Variants in ZNF672 observed in about 807,000 individuals in gnomAD.
The protein encoded by ZNF672 is zinc finger protein 672, also known as hypothetical protein FLJ22301.
For missense variants in ZNF672, 733 were observed against 701.1 expected (o/e 1.05, Z -0.51); for synonymous variants, 358 against 305.6 (o/e 1.17, Z -1.79).
At position 248,848,432 on chromosome 1, in the gene ZNF672, C is replaced by T. The variant is rs371794195; in HGVS notation, c.1158C>T (p.Arg386=). Residue 386 remains arginine (R), a synonymous_variant, in exon 4 of 4, where the codon CGC becomes CGT. Transcript: ENST00000306562. ...FSVASKLALH[R]KTHLGERPAE... ...TCGCCTCCAAGCTTGCACTGCACCGCAAGACGCACCTGGGCGAACGGCCAG... is the reference window on the plus strand; with the variant it reads ...TCGCCTCCAAGCTTGCACTGCACCGTAAGACGCACCTGGGCGAACGGCCAG... The T allele has an allele frequency of 1.2e-6, 2 of 1,607,244 alleles. No homozygotes were observed. Among genetic ancestry groups the T allele is most frequent in the Non-Finnish European group, 1.7e-6 (2 of 1,179,458 alleles).
rs765820215 is a variant in ZNF672 at position 248,847,934 on chromosome 1, G to A, written c.660G>A (p.Thr220=). 2 of 1,574,298 alleles carry A rather than the reference G, an allele frequency of 1.3e-6. No individual in the cohort carries two copies. The highest frequency in any genetic ancestry group is 2.3e-5 in the East Asian group (1 of 42,778). ...KSSTLTRHLQ[T]HSGEKPFKCP... is the part of the protein sequence containing the mutation. ...CTACGCTGACGCGACACCTGCAGAC[G>A]CACTCGGGGGAGAAACCCTTCAAGT... Residue 220 remains threonine (T), a synonymous_variant, in exon 4 of 4, where the codon ACG becomes ACA. Transcript: ENST00000306562.
At position 248,847,538 on chromosome 1, in the gene ZNF672, C is replaced by T. The variant is rs1659182183; in HGVS notation, c.264C>T (p.His88=). 1.3e-6 allele frequency: 2 copies of T among 1,593,496 alleles called. No homozygotes were observed. Among genetic ancestry groups the T allele is most frequent in the Admixed American group, 1.7e-5 (1 of 58,186 alleles). Residue 88 remains histidine (H), a synonymous_variant, in exon 4 of 4, where the codon CAC becomes CAT. Transcript: ENST00000306562. ...SFRHSGRLDL[H]LGAHRQRCRT... The stretch of plus-strand genomic sequence containing the variant: ...GCCACAGCGGCCGTCTTGACCTACA[C>T]TTGGGCGCACACCGGCAGCGATGCC...
chr1:248,839,422 C>T (rs1396037851), intron 1 of ZNF672: 4 of 152,084 alleles, frequency 2.6e-5, no homozygotes, highest in South Asian at 2.1e-4. Context: ...CTCTTGAGCT[C>T]GGGAGTTCAA....
At position 248,849,245 on chromosome 1, in the gene ZNF672, A is replaced by G. The variant is rs1659289895; in HGVS notation, c.*612A>G. 2.5e-6 allele frequency: 1 copy of G among 395,460 alleles called. No homozygotes were observed. Among genetic ancestry groups the G allele is most frequent in the Non-Finnish European group, 5.2e-6 (1 of 194,044 alleles). 24.5% of individuals were successfully genotyped at this position (395,460 alleles called of 1,614,324 possible). ...CCTGGCAGAGGTGGCCAGTCACGTG[A>G]AGGTGGGCAGGGCCCTTAGCATGGC... On this transcript the variant is annotated 3_prime_UTR_variant, in exon 4 of 4. Coordinates refer to ENST00000306562, the MANE Select transcript of ZNF672 (RefSeq NM_024836.3).
At chr1:248,845,181 G>A (rs913731331) in intron 2 of ZNF672, among the ~76,000 whole-genome samples, 1 of 152,178 alleles carries the variant, frequency 6.6e-6, no homozygotes, top group African/African-American at 2.4e-5. Context: ...GAGAATCCTC[G>A]AATCCGAGAG....
rs1480060183 is a variant in ZNF672 at position 248,844,548 on chromosome 1, G to A, written c.-409G>A. 1.3e-5 allele frequency: 2 copies of A among 152,266 alleles called. No homozygotes were observed. The highest frequency in any genetic ancestry group is 2.9e-5 in the Non-Finnish European group (2 of 68,054). 9.4% of individuals were successfully genotyped at this position (152,266 alleles called of 1,614,324 possible). On this transcript the variant is annotated 5_prime_UTR_variant, in exon 2 of 4. Transcript: ENST00000306562. The stretch of plus-strand genomic sequence containing the variant: ...CTCCAGCATGGGGTGAGGTACAGAA[G>A]AGAGACTTGAAGAGCGTGCCTTGGG...
intron 1 of ZNF672, among the ~76,000 whole-genome samples, chr1:248,840,874 T>C (rs1439343188): frequency 1.3e-5 from 2 of 151,344 alleles, no homozygotes; most frequent in Admixed American, 6.6e-5. Flanking sequence ...GTCAGAGTAC[T>C]TGTATATGCA....
At position 248,848,943 on chromosome 1, in the gene ZNF672, T is replaced by A; in HGVS notation, c.*310T>A. On this transcript the variant is annotated 3_prime_UTR_variant, in exon 4 of 4. Transcript: ENST00000306562. Reference sequence around the variant, plus strand: ...CCCAGGTGTTGGTGTGTCCCTTTAATGCTACTGTGCTCTCTGGTGTTTCTG... The same window carrying A: ...CCCAGGTGTTGGTGTGTCCCTTTAAAGCTACTGTGCTCTCTGGTGTTTCTG... 1.6e-6 allele frequency: 1 copy of A among 643,674 alleles called. No homozygotes were observed. The highest frequency in any genetic ancestry group is 3.0e-6 in the Non-Finnish European group (1 of 337,458). The allele number at this position is 643,674 out of a possible 1,614,324, so 39.9% of individuals were successfully genotyped here. A position where few individuals can be genotyped will look rare whatever the true frequency, so the allele number is the denominator to read the frequency against.
At position 248,848,475 on chromosome 1, in the gene ZNF672, G is replaced by C. The variant is rs1459962237; in HGVS notation, c.1201G>C (p.Gly401Arg). 1 of 1,606,212 alleles carries C rather than the reference G, an allele frequency of 6.2e-7. No individual in the cohort carries two copies. Among genetic ancestry groups the C allele is most frequent in the Non-Finnish European group, 8.5e-7 (1 of 1,176,768 alleles). ...ACGGCCAGCGGAGTGCGCAGAGTGC[G>C]GCAAGTGCTTCAGCCACAGCCGCTC... ...GERPAECAEC[G>R]KCFSHSRSLS... Residue 401 changes from glycine to arginine, a missense_variant, in exon 4 of 4, where the codon GGC (glycine) becomes CGC (arginine). Gly to Arg is a moderately radical substitution (Grantham distance 125). Coordinates refer to ENST00000306562, the MANE Select transcript of ZNF672 (RefSeq NM_024836.3).
chr1:248,839,821 C>T (rs1443186835), intron 1 of ZNF672, among the ~76,000 whole-genome samples: 1 of 147,352 alleles, frequency 6.8e-6, no homozygotes, highest in Non-Finnish European at 1.5e-5. Flanking sequence ...TCGCTGCAAC[C>T]TCCGCCTCCT....
At chr1:248,844,201 T>C (rs1390088274) in intron 1 of ZNF672, among the ~76,000 whole-genome samples, 2 of 152,214 alleles carry the variant, frequency 1.3e-5, no homozygotes, top group African/African-American at 2.4e-5. Context: ...TTATCTTCCT[T>C]CTTAGTACCT....
chr1:248,843,653 T>A (rs1374813765), intron 1 of ZNF672, among the ~76,000 whole-genome samples: 1 of 152,252 alleles, frequency 6.6e-6, no homozygotes, highest in African/African-American at 2.4e-5. Flanking sequence ...TTTATAATCT[T>A]AAATTTTCTT....
chr1:248,845,042 C>T (rs1329721123), intron 2 of ZNF672, among the ~76,000 whole-genome samples: 1 of 152,192 alleles, frequency 6.6e-6, no homozygotes, highest in Non-Finnish European at 1.5e-5. Flanking sequence ...GCGGGTGGAT[C>T]ACCTGAGGTC....
chr1:248,847,255 C>T lies in ZNF672; in HGVS notation c.-20C>T, dbSNP rs11555324. 0.046 allele frequency: 72,773 copies of T among 1,589,948 alleles called. 1,832 individuals carry two copies. The highest frequency in any genetic ancestry group is 0.053 in the Non-Finnish European group (61,534 of 1,160,276). The stretch of plus-strand genomic sequence containing the variant: ...CCCCAGAGTGTGAGTGGCACGCTTC[C>T]CTGTGAACCCGTCCTCACCATGTTT... On this transcript the variant is annotated 5_prime_UTR_variant, in exon 4 of 4. Transcript: ENST00000306562.
rs1659277310 is a variant in ZNF672 at position 248,848,934 on chromosome 1, T to C, written c.*301T>C. 1.5e-6 allele frequency: 1 copy of C among 661,300 alleles called. No individual in the cohort carries two copies. Among genetic ancestry groups the C allele is most frequent in the Non-Finnish European group, 2.9e-6 (1 of 348,926 alleles). The allele number at this position is 661,300 out of a possible 1,614,324, so 41.0% of individuals were successfully genotyped here. On this transcript the variant is annotated 3_prime_UTR_variant, in exon 4 of 4. Transcript: ENST00000306562. ...GTGCAAGAGCCCAGGTGTTGGTGTG[T>C]CCCTTTAATGCTACTGTGCTCTCTG... is the stretch of plus-strand genomic sequence containing the variant.
intron 1 of ZNF672, among the ~76,000 whole-genome samples, chr1:248,840,745 C>T (rs1432749185): frequency 2.7e-5 from 4 of 145,884 alleles, no homozygotes; most frequent in Non-Finnish European, 6.0e-5. Context: ...ATGGAGGGTA[C>T]GATGACTGTA....
chr1:248,843,085 G>A (rs1230732773), intron 1 of ZNF672, among the ~76,000 whole-genome samples: 1 of 152,072 alleles, frequency 6.6e-6, no homozygotes, highest in Non-Finnish European at 1.5e-5. Flanking sequence ...GGAAGGGGCG[G>A]GGCTGCCCTA....
rs2103029845 is a variant in ZNF672 at position 248,847,140 on chromosome 1, G to A, written c.-135G>A. The A allele has an allele frequency of 3.2e-6, 4 of 1,257,472 alleles. No homozygotes were observed. Among genetic ancestry groups the A allele is most frequent in the African/African-American group, 3.0e-5 (2 of 66,530 alleles). 77.9% of individuals were successfully genotyped at this position (1,257,472 alleles called of 1,614,324 possible). On this transcript the variant is annotated 5_prime_UTR_variant, in exon 4 of 4. Coordinates refer to ENST00000306562, the MANE Select transcript of ZNF672 (RefSeq NM_024836.3). ...AGAGAAGAACCCTGAAATCAGACCAGTTTTTGCGGCCTCCCCCTTTCCTCT... is the reference window on the plus strand; with the variant it reads ...AGAGAAGAACCCTGAAATCAGACCAATTTTTGCGGCCTCCCCCTTTCCTCT...
At chr1:248,843,341 G>T (rs1360358025) in intron 1 of ZNF672, among the ~76,000 whole-genome samples, 2 of 152,174 alleles carry the variant, frequency 1.3e-5, no homozygotes, top group Admixed American at 6.5e-5. Flanking sequence ...TCTGAGAGTC[G>T]CAGTGAGAGA....
Sources: allele counts gnomAD v4.1 joint callset (sites outside exome capture counted in the v4.1 genomes callset), GRCh38; gene constraint gnomAD v4.1.1; transcripts MANE v1.5; gene names NCBI Gene and HGNC (gene_info 2026-07-23, HGNC 2026-07-21).